The following GABRG1 variants were observed in gnomAD, a reference collection of about 807,000 sequenced individuals.
GABRG1 encodes the protein gamma-aminobutyric acid type A receptor subunit gamma1.
Under a neutral mutation model 49.8 loss-of-function variants are expected in GABRG1, and 49 were observed. The ratio of observed to expected loss-of-function variants is 0.98; its 90% CI spans 0.78 to 1.25. The LOEUF is 1.25. Among genes scored for constraint, GABRG1 ranks in the 50% most tolerant of loss-of-function variants. GABRG1 has a pLI of 0.00. For missense variants in GABRG1, 552 were observed against 552.3 expected (o/e 1.00, Z 0.01); for synonymous variants, 232 against 185.1 (o/e 1.25, Z -2.06).
At chr4:46,058,693 G>T in intron 5 of GABRG1, 71 bp from the exon 6 acceptor site, 1 of 1,214,970 alleles carries the variant, frequency 8.2e-7, no homozygotes, top group Non-Finnish European at 1.2e-6. Context: ...ATTATCCAAA[G>T]GTAGATTCTT....
intron 2 of GABRG1, among the ~76,000 whole-genome samples, chr4:46,089,371 A>G (rs183724586): frequency 5.3e-5 from 8 of 152,232 alleles, no homozygotes; most frequent in Non-Finnish European, 1.0e-4. Flanking sequence ...AAGTAACAAG[A>G]CTAAGGTTGC....
At chr4:46,108,207 C>G (rs1367808489) in intron 1 of GABRG1, among the ~76,000 whole-genome samples, 1 of 151,002 alleles carries the variant, frequency 6.6e-6, no homozygotes, top group Non-Finnish European at 1.5e-5. Flanking sequence ...TGAATTGATA[C>G]TCTTTTCATG....
chr4:46,062,648 G>A (rs1470505460), intron 5 of GABRG1, among the ~76,000 whole-genome samples: 2 of 152,058 alleles, frequency 1.3e-5, no homozygotes, highest in Non-Finnish European at 2.9e-5. Context: ...ATTTTTTCAT[G>A]TGTCTTTTGG....
At chr4:46,106,294 AT>A (rs1231894376) in intron 1 of GABRG1, among the ~76,000 whole-genome samples, 1 of 151,378 alleles carries the variant, frequency 6.6e-6, no homozygotes, top group Non-Finnish European at 1.5e-5. Flanking sequence ...AGACTGCCCC[AT>A]CCCCAGCTTT....
At chr4:46,058,074 G>C in intron 7 of GABRG1, 143 bp downstream of exon 7, 1 of 591,090 alleles carries the variant, frequency 1.7e-6, no homozygotes, top group Non-Finnish European at 2.8e-6. Context: ...TTTCAACATG[G>C]TATTGTCCCT....
At chr4:46,045,146 A>T (rs1717944868) in intron 8 of GABRG1, among the ~76,000 whole-genome samples, 1 of 152,150 alleles carries the variant, frequency 6.6e-6, no homozygotes. Context: ...GGAATTACTG[A>T]TTCTAATATT....
intron 7 of GABRG1, among the ~76,000 whole-genome samples, chr4:46,056,135 A>AAAT: frequency 1.7e-5 from 2 of 115,262 alleles, no homozygotes; most frequent in African/African-American, 7.1e-5. Context: ...AAAAAAAAAA[A>AAAT]AATAAATAAA....
At chr4:46,121,773 C>A (rs1721094973) in intron 1 of GABRG1, among the ~76,000 whole-genome samples, 1 of 152,018 alleles carries the variant, frequency 6.6e-6, no homozygotes, top group Non-Finnish European at 1.5e-5. Flanking sequence ...AGAACAACAG[C>A]TTATAAATAT....
At chr4:46,077,334 A>T (rs896288855) in intron 3 of GABRG1, among the ~76,000 whole-genome samples, 4 of 152,028 alleles carry the variant, frequency 2.6e-5, no homozygotes, top group African/African-American at 7.2e-5. Context: ...AAAAGTAATG[A>T]CATAGTATAA....
At chr4:46,100,935 T>C (rs1720360477) in intron 1 of GABRG1, among the ~76,000 whole-genome samples, 1 of 151,500 alleles carries the variant, frequency 6.6e-6, no homozygotes, top group South Asian at 2.1e-4. Context: ...CTCTAAGCTA[T>C]CTAAGTTATG....
At chr4:46,053,776 A>G (rs963305032) in intron 7 of GABRG1, among the ~76,000 whole-genome samples, 2 of 152,050 alleles carry the variant, frequency 1.3e-5, no homozygotes, top group Admixed American at 6.6e-5. Context: ...AACTAAGCAG[A>G]ACTTTGCTTT....
chr4:46,103,857 A>G (rs1180495497), intron 1 of GABRG1, among the ~76,000 whole-genome samples: 1 of 151,346 alleles, frequency 6.6e-6, no homozygotes, highest in Non-Finnish European at 1.5e-5. Context: ...TGATACAAAA[A>G]GTATAGGTAC....
Position 46,085,189 on chromosome 4 carries a change from T to C in GABRG1, c.254-1136A>G, listed in dbSNP as rs575672884. Reference sequence around the variant, plus strand: ...TTGTCTACATTGAGAGGGAAATTGTTCCTGGGACAATTTTCTTTAGAGGAT... The same window carrying C: ...TTGTCTACATTGAGAGGGAAATTGTCCCTGGGACAATTTTCTTTAGAGGAT... On this transcript the variant is annotated intron_variant, in intron 2 of 8. Transcript: ENST00000295452. 6.6e-5 allele frequency among the ~76,000 whole-genome samples: 10 copies of C among 151,626 alleles called. No individual in the cohort carries two copies. In the East Asian group the frequency reaches 1.7e-3, roughly 27 times the overall value.
intron 2 of GABRG1, among the ~76,000 whole-genome samples, chr4:46,091,780 G>A (rs984447438): frequency 8.6e-5 from 13 of 152,010 alleles, no homozygotes; most frequent in African/African-American, 3.1e-4. Context: ...AATACAGGCC[G>A]AGAATTTCAA....
chr4:46,043,598 TATGCTACCCA>T (rs1553878366), intron 8 of GABRG1, among the ~76,000 whole-genome samples: 1 of 151,942 alleles, frequency 6.6e-6, no homozygotes, highest in Non-Finnish European at 1.5e-5. Context: ...GAAGTGCAGC[TATGCTACCCA>T]TCTTTTAGTT....
At chr4:46,076,361 T>TTA (rs1560360726) in intron 3 of GABRG1, among the ~76,000 whole-genome samples, 7,968 of 77,562 alleles carry the variant, frequency 0.1, 1,037 homozygotes, top group Non-Finnish European at 0.13. Flanking sequence ...TAGGTCATGT[T>TTA]CATATATATA....
intron 3 of GABRG1, among the ~76,000 whole-genome samples, chr4:46,067,714 G>A (rs1209736584): frequency 6.6e-6 from 1 of 152,094 alleles, no homozygotes; most frequent in East Asian, 1.9e-4. Context: ...AAATCTGATA[G>A]CCACACCCTT....
chr4:46,083,961 A>G (rs1243428347), intron 3 of GABRG1, 25 bp downstream of exon 3: 1 of 1,264,150 alleles, frequency 7.9e-7, no homozygotes, highest in African/African-American at 1.5e-5. Flanking sequence ...TGTGGCAGTT[A>G]TTATTTTTAA....
intron 7 of GABRG1, among the ~76,000 whole-genome samples, chr4:46,056,151 T>TAAAAAAAAAAAAAAAAAAAAAA (rs1182116080): frequency 1.1e-4 from 1 of 9,144 alleles, no homozygotes; most frequent in African/African-American, 9.7e-4. Context: ...ATAAATAAAT[T>TAAAAAAAAAAAAAAAAAAAAAA]AAAAAAAAAA....
Sources: gnomAD v4.1 joint callset for allele counts (sites outside exome capture counted in the v4.1 genomes callset) on GRCh38, gnomAD v4.1.1 for gene constraint, MANE v1.5 for transcripts, NCBI Gene and HGNC (gene_info 2026-07-23, HGNC 2026-07-21) for gene names.